Variants in ADAMTSL3 observed in about 807,000 individuals in gnomAD.
ADAMTSL3 encodes the protein ADAMTS like 3, also known as ADAMTS-like protein 3.
Under a neutral mutation model 201.7 loss-of-function variants are expected in ADAMTSL3, and 128 were observed. The ratio of observed to expected loss-of-function variants is 0.63; its 90% CI spans 0.55 to 0.73. The LOEUF is 0.73. ADAMTSL3 is among the 30% of genes least tolerant of loss of function. ADAMTSL3 has a pLI of 0.00. For missense variants in ADAMTSL3, 1,990 were observed against 2,119.6 expected (o/e 0.94, Z 1.20); for synonymous variants, 738 against 748.4 (o/e 0.99, Z 0.23).
intron 9 of ADAMTSL3, among the ~76,000 whole-genome samples, chr15:83,876,980 G>C (rs953889511): frequency 6.6e-6 from 1 of 152,154 alleles, no homozygotes; most frequent in African/African-American, 2.4e-5. Flanking sequence ...TTTTAGTAGA[G>C]ACAGGGTTTC....
chr15:83,675,450 G>A (rs2061389763), intron 2 of ADAMTSL3, among the ~76,000 whole-genome samples: 1 of 151,982 alleles, frequency 6.6e-6, no homozygotes, highest in Admixed American at 6.6e-5. Context: ...TATTGAACCA[G>A]CCTTGCATCC....
chr15:83,847,894 A>G (rs11853243), intron 7 of ADAMTSL3, among the ~76,000 whole-genome samples: 3 of 152,068 alleles, frequency 2.0e-5, no homozygotes, highest in Non-Finnish European at 4.4e-5. Context: ...ATGTTGTCAC[A>G]ACATTATCTC....
chr15:83,985,765 T>G (rs544474665), intron 21 of ADAMTSL3, among the ~76,000 whole-genome samples: 2 of 152,178 alleles, frequency 1.3e-5, no homozygotes, highest in Non-Finnish European at 2.9e-5. Context: ...CCCAAGTAAC[T>G]GGGATTACAG....
chr15:83,736,101 G>GC (rs1422887088), intron 3 of ADAMTSL3, among the ~76,000 whole-genome samples: 5 of 152,130 alleles, frequency 3.3e-5, no homozygotes, highest in Non-Finnish European at 7.3e-5. Context: ...ATACCACCCT[G>GC]TGTAATAAGC....
At position 83,750,698 on chromosome 15, in the gene ADAMTSL3, C is replaced by T. The variant is rs552698084; in HGVS notation, c.190-22825C>T. On this transcript the variant is annotated intron_variant, in intron 3 of 29. Coordinates refer to ENST00000286744, the MANE Select transcript of ADAMTSL3 (RefSeq NM_207517.3). ...TCCCGAATAGCTGGGACTACAGGCA[C>T]GTGCCACCACACCCAGCTAATTTTT... Among the ~76,000 whole-genome samples, 7 of 152,040 alleles carry T rather than the reference C, an allele frequency of 4.6e-5. No individual in the cohort carries two copies. In the South Asian group the frequency reaches 6.2e-4, roughly 14 times the overall value.
intron 20 of ADAMTSL3, among the ~76,000 whole-genome samples, chr15:83,978,258 G>A (rs573873991): frequency 1.3e-4 from 20 of 152,336 alleles, no homozygotes; most frequent in African/African-American, 4.8e-4. Flanking sequence ...CATTGCCATA[G>A]ATGGCCTTGG....
chr15:83,674,398 T>G (rs938003525), intron 2 of ADAMTSL3, among the ~76,000 whole-genome samples: 93 of 152,096 alleles, frequency 6.1e-4, no homozygotes, highest in African/African-American at 2.2e-3. Context: ...ACATTACTTT[T>G]GCTCCTTTGT....
At chr15:83,978,111 G>C (rs979617134) in intron 20 of ADAMTSL3, among the ~76,000 whole-genome samples, 4 of 152,210 alleles carry the variant, frequency 2.6e-5, no homozygotes, top group African/African-American at 9.6e-5. Flanking sequence ...CATGGCCAGA[G>C]CAAATGCTGC....
chr15:83,663,027 A>G (rs2061197004), intron 2 of ADAMTSL3, among the ~76,000 whole-genome samples: 1 of 152,120 alleles, frequency 6.6e-6, no homozygotes, highest in African/African-American at 2.4e-5. Context: ...CTTCTCACCT[A>G]GCAGGCAGCC....
chr15:84,024,524 C>T (rs775414384), intron 26 of ADAMTSL3, among the ~76,000 whole-genome samples: 1 of 152,146 alleles, frequency 6.6e-6, no homozygotes, highest in African/African-American at 2.4e-5. Flanking sequence ...ACAATGAAGA[C>T]GGAATTCTTT....
At chr15:83,816,733 C>G (rs920050548) in intron 5 of ADAMTSL3, among the ~76,000 whole-genome samples, 1 of 152,188 alleles carries the variant, frequency 6.6e-6, no homozygotes, top group African/African-American at 2.4e-5. Flanking sequence ...TGGCCTGGCA[C>G]GGTGGTTCAT....
chr15:83,804,607 A>G, intron 4 of ADAMTSL3, 43 bp from the exon 5 acceptor site: 12 of 1,156,882 alleles, frequency 1.0e-5, no homozygotes, highest in Non-Finnish European at 1.3e-5. Flanking sequence ...TGCCTCTTCT[A>G]TGAAATCATT....
intron 16 of ADAMTSL3, among the ~76,000 whole-genome samples, chr15:83,923,371 A>G (rs1348236093): frequency 1.3e-5 from 2 of 152,238 alleles, no homozygotes. Context: ...TTTTCCTAGC[A>G]ATAGAAACGT....
At chr15:84,029,061 G>T (rs1294274924) in intron 27 of ADAMTSL3, among the ~76,000 whole-genome samples, 2 of 152,118 alleles carry the variant, frequency 1.3e-5, no homozygotes, top group Admixed American at 1.3e-4. Context: ...CTCAGTCTCA[G>T]GTATTTCTTT....
intron 16 of ADAMTSL3, among the ~76,000 whole-genome samples, chr15:83,917,789 T>C: frequency 6.6e-6 from 1 of 152,062 alleles, no homozygotes; most frequent in African/African-American, 2.4e-5. Flanking sequence ...ATTTGTAGAG[T>C]TGTGGTTTAT....
Position 84,003,620 on chromosome 15 carries a change from T to G in ADAMTSL3, c.3974-10922T>G, listed in dbSNP as rs1160159946. The stretch of plus-strand genomic sequence containing the variant: ...TGAGATTTGATAGCAATTGGGAAGC[T>G]TTTCATACCAGGCAGTAAAAGTGAA... On this transcript the variant is annotated intron_variant, in intron 23 of 29. Coordinates refer to ENST00000286744, the MANE Select transcript of ADAMTSL3 (RefSeq NM_207517.3). Among the ~76,000 whole-genome samples the G allele has an allele frequency of 3.9e-5, 6 of 152,282 alleles. No homozygotes were observed. In the East Asian group the frequency reaches 1.2e-3, roughly 29 times the overall value.
intron 21 of ADAMTSL3, among the ~76,000 whole-genome samples, chr15:83,986,379 CA>C (rs1418185177): frequency 5.3e-5 from 8 of 152,086 alleles, no homozygotes; most frequent in Admixed American, 4.6e-4. Flanking sequence ...ATGGCGTTAA[CA>C]TAAGTTTATC....
chr15:83,820,507 A>G (rs1221948803), intron 6 of ADAMTSL3, among the ~76,000 whole-genome samples: 2 of 152,186 alleles, frequency 1.3e-5, no homozygotes, highest in Non-Finnish European at 2.9e-5. Context: ...AAAGATTTGC[A>G]TTTCTAACAA....
chr15:83,665,469 A>G (rs1266767036), intron 2 of ADAMTSL3, among the ~76,000 whole-genome samples: 1 of 152,232 alleles, frequency 6.6e-6, no homozygotes, highest in Non-Finnish European at 1.5e-5. Flanking sequence ...TTCATACTCT[A>G]AAAGGAAAGC....
Sources: gnomAD v4.1 joint callset for allele counts (sites outside exome capture counted in the v4.1 genomes callset) on GRCh38, gnomAD v4.1.1 for gene constraint, MANE v1.5 for transcripts, NCBI Gene and HGNC (gene_info 2026-07-23, HGNC 2026-07-21) for gene names.